The following SNRPE variants were observed in gnomAD, a reference collection of about 807,000 sequenced individuals.
SNRPE encodes the protein small nuclear ribonucleoprotein polypeptide E.
For synonymous variants in SNRPE, 35 were observed against 36.7 expected (o/e 0.95, Z 0.17); for missense variants, 53 against 111.6 (o/e 0.48, Z 2.36).
At position 203,861,618 on chromosome 1, in the gene SNRPE, C is replaced by G. The variant is rs778291228; in HGVS notation, c.-42C>G. On this transcript the variant is annotated 5_prime_UTR_variant, in exon 1 of 5. Coordinates refer to ENST00000414487, the MANE Select transcript of SNRPE (RefSeq NM_003094.4). ...CCGGTTCTTTATTCCGGAAGTTGCT[C>G]TCAGAGGCAGCGTGCGGGTGTGCTC... 3.9e-6 allele frequency: 6 copies of G among 1,558,426 alleles called. No homozygotes were observed. Among genetic ancestry groups the G allele is most frequent in the African/African-American group, 1.4e-5 (1 of 73,836 alleles).
At chr1:203,862,653 G>GA (rs1201297244) in intron 2 of SNRPE, among the ~76,000 whole-genome samples, 1 of 152,052 alleles carries the variant, frequency 6.6e-6, no homozygotes, top group Non-Finnish European at 1.5e-5. Context: ...ACTTAAAGAC[G>GA]AAAAAAGGAA....
At chr1:203,864,893 AAAAAAAAACT>A in intron 3 of SNRPE, 138 bp from the exon 4 acceptor site, 1 of 407,906 alleles carries the variant, frequency 2.5e-6, no homozygotes, top group Non-Finnish European at 3.6e-6. Context: ...AAAAAAAAAA[AAAAAAAAACT>A]TTGGGTGGAA....
At chr1:203,862,556 C>G (rs968195215) in intron 2 of SNRPE, among the ~76,000 whole-genome samples, 1 of 152,148 alleles carries the variant, frequency 6.6e-6, no homozygotes, top group African/African-American at 2.4e-5. Context: ...ACATTGGAAC[C>G]TCTCCCCTTT....
intron 3 of SNRPE, 70 bp from the exon 4 acceptor site, chr1:203,864,971 A>C: frequency 6.8e-7 from 1 of 1,476,302 alleles, no homozygotes; most frequent in African/African-American, 1.4e-5. Context: ...TTTTATCTGC[A>C]TAGGTATACT....
intron 2 of SNRPE, among the ~76,000 whole-genome samples, 170 bp downstream of exon 2, chr1:203,862,392 G>T (rs1293713849): frequency 6.6e-6 from 1 of 152,194 alleles, no homozygotes; most frequent in Non-Finnish European, 1.5e-5. Flanking sequence ...ATGTGATGAA[G>T]TGGTGTGTAT....
chr1:203,863,760 C>T (rs759018954), intron 3 of SNRPE, 35 bp downstream of exon 3: 5 of 1,402,538 alleles, frequency 3.6e-6, no homozygotes, highest in Non-Finnish European at 4.0e-6. Flanking sequence ...CATAGCAGTT[C>T]GGTCGTAGAA....
chr1:203,866,979 C>T (rs114714801), intron 4 of SNRPE, among the ~76,000 whole-genome samples: 2,211 of 151,564 alleles, frequency 0.015, 53 homozygotes, highest in African/African-American at 0.051. Flanking sequence ...TTTAAGACAG[C>T]GGTCCCCTAG....
intron 4 of SNRPE, among the ~76,000 whole-genome samples, chr1:203,869,343 G>A (rs1388873801): frequency 3.1e-5 from 3 of 96,394 alleles, no homozygotes; most frequent in Non-Finnish European, 6.1e-5. Context: ...TTTTGCTCTT[G>A]TTGCCCAGGC....
intron 2 of SNRPE, 134 bp from the exon 3 acceptor site, chr1:203,863,529 G>A (rs545629594): frequency 7.6e-5 from 49 of 646,352 alleles, no homozygotes; most frequent in Non-Finnish European, 1.1e-4. Flanking sequence ...CCATGTTAAC[G>A]AGGATGGTCT....
chr1:203,867,120 A>AC (rs745637406), intron 4 of SNRPE, among the ~76,000 whole-genome samples: 14,693 of 146,032 alleles, frequency 0.1, 1,086 homozygotes, highest in Non-Finnish European at 0.14. Flanking sequence ...AAAAAAAAAA[A>AC]AAAAAAAAAA....
chr1:203,863,811 A>G (rs1690029756), intron 3 of SNRPE, 86 bp downstream of exon 3: 1 of 917,152 alleles, frequency 1.1e-6, no homozygotes, highest in Non-Finnish European at 1.7e-6. Flanking sequence ...CAGTGTATAA[A>G]AAGTCAAAGA....
rs371433887 is a variant in SNRPE, at chr1:203,861,629, C to T, written c.-31C>T. ...TTCCGGAAGTTGCTCTCAGAGGCAGCGTGCGGGTGTGCTCTTTGTGAAATT... is the reference window on the plus strand; with the variant it reads ...TTCCGGAAGTTGCTCTCAGAGGCAGTGTGCGGGTGTGCTCTTTGTGAAATT... On this transcript the variant is annotated 5_prime_UTR_variant, in exon 1 of 5. Transcript: ENST00000414487. 1.0e-5 allele frequency: 16 copies of T among 1,588,160 alleles called. No homozygotes were observed. Among genetic ancestry groups the T allele is most frequent in the East Asian group, 6.7e-5 (3 of 44,788 alleles).
chr1:203,867,723 C>CCACCTCGCCCACTGCT (rs1690122770), intron 4 of SNRPE, among the ~76,000 whole-genome samples: 1 of 152,144 alleles, frequency 6.6e-6, no homozygotes, highest in East Asian at 1.9e-4. Flanking sequence ...TGAAGCTCCG[C>CCACCTCGCCCACTGCT]CACCTCGCCC....
In SNRPE at chr1:203,864,977, A is replaced by G. The variant is rs886289422; in HGVS notation, c.145-64A>G. ...AGTTGGAGTTTTTATCTGCATAGGTATACTCATTTAAAATGGTTTGAATGT... is the reference window on the plus strand; with the variant it reads ...AGTTGGAGTTTTTATCTGCATAGGTGTACTCATTTAAAATGGTTTGAATGT... On this transcript the variant is annotated intron_variant, in intron 3 of 4. Coordinates refer to ENST00000414487, the MANE Select transcript of SNRPE (RefSeq NM_003094.4). 31 of 1,533,202 alleles carry G rather than the reference A, an allele frequency of 2.0e-5. No homozygotes were observed. The Admixed American group carries it at 5.3e-4, about 26-fold the overall frequency. 95.0% of individuals were successfully genotyped at this position (1,533,202 alleles called of 1,614,324 possible).
intron 3 of SNRPE, among the ~76,000 whole-genome samples, chr1:203,864,489 C>T (rs2103507157): frequency 6.6e-6 from 1 of 151,726 alleles, no homozygotes; most frequent in South Asian, 2.1e-4. Flanking sequence ...GCTCTCAGCT[C>T]ACTGCAATCT....
chr1:203,864,392 A>G (rs1039167144), intron 3 of SNRPE, among the ~76,000 whole-genome samples: 1 of 152,004 alleles, frequency 6.6e-6, no homozygotes, highest in Non-Finnish European at 1.5e-5. Context: ...TAGAGAGCTC[A>G]GTGGGGTTAG....
Position 203,870,066 on chromosome 1 carries a change from G to A in SNRPE, c.*134G>A. 1 of 565,874 alleles carries A rather than the reference G, an allele frequency of 1.8e-6. No homozygotes were observed. Among genetic ancestry groups the A allele is most frequent in the South Asian group, 2.5e-5 (1 of 39,226 alleles). The allele number at this position is 565,874 out of a possible 1,614,324, so 35.1% of individuals were successfully genotyped here. A position where few individuals can be genotyped will look rare whatever the true frequency, so the allele number is the denominator to read the frequency against. ...TACAAGATGGCAATAAATACTATGG[G>A]ATTGTTTGTATTAAAAAATTTACAT... On this transcript the variant is annotated 3_prime_UTR_variant, in exon 5 of 5. Coordinates refer to ENST00000414487, the MANE Select transcript of SNRPE (RefSeq NM_003094.4).
At chr1:203,866,924 A>G (rs1690098847) in intron 4 of SNRPE, among the ~76,000 whole-genome samples, 1 of 148,906 alleles carries the variant, frequency 6.7e-6, no homozygotes, top group Non-Finnish European at 1.5e-5. Flanking sequence ...ATCTTTGTAT[A>G]TGATATTCCT....
intron 1 of SNRPE, chr1:203,861,981 G>A: frequency 3.3e-6 from 2 of 612,216 alleles, no homozygotes; most frequent in South Asian, 2.0e-5. Context: ...GGGAGTTAAC[G>A]GTTTTGGGAA....
Sources: allele counts gnomAD v4.1 joint callset (sites outside exome capture counted in the v4.1 genomes callset), GRCh38; gene constraint gnomAD v4.1.1; transcripts MANE v1.5; gene names NCBI Gene and HGNC (gene_info 2026-07-23, HGNC 2026-07-21).